ATP9B: variants seen among roughly 807,000 people sequenced by gnomAD.
The protein encoded by ATP9B is ATPase phospholipid transporting 9B, also known as probable phospholipid-transporting ATPase IIB.
ATP9B carries 110 observed loss-of-function variants against 146.1 expected under a neutral mutation model. That is an observed-to-expected ratio of 0.75 (90% CI 0.65 to 0.88). The LOEUF (loss-of-function observed/expected upper bound fraction) is 0.88. ATP9B is among the 40% of genes least tolerant of loss of function. The pLI, the probability that ATP9B is intolerant of heterozygous loss-of-function variation, is 0.00. For missense variants in ATP9B, 1,499 were observed against 1,496.4 expected, an observed-to-expected ratio of 1.00 and a Z score of -0.03; for synonymous variants, 604 against 569.7, an observed-to-expected ratio of 1.06 and a Z score of -0.86.
chr18:79,248,796 A>C (rs1472846306), intron 11 of ATP9B, among the ~76,000 whole-genome samples: 1 of 152,200 alleles, frequency 6.6e-6, no homozygotes, highest in Non-Finnish European at 1.5e-5. Context: ...CTTCTTTGTA[A>C]GGGGTAAGTA....
intron 16 of ATP9B, among the ~76,000 whole-genome samples, 146 bp from the exon 17 acceptor site, chr18:79,329,847 AGAGTGGGCCTAGCCCTCCG>A (rs2096780607): frequency 6.6e-6 from 1 of 152,234 alleles, no homozygotes; most frequent in African/African-American, 2.4e-5. Flanking sequence ...CTATTGCTGA[AGAGTGGGCCTAGCCCTCCG>A]CGTAGAAACA....
chr18:79,229,692 A>T (rs2095771405), intron 11 of ATP9B, among the ~76,000 whole-genome samples: 2 of 152,220 alleles, frequency 1.3e-5, no homozygotes, highest in South Asian at 4.1e-4. Flanking sequence ...AGAAAACCAG[A>T]TTGCCAAGTT....
chr18:79,369,385 T>C (rs527299731), intron 26 of ATP9B, among the ~76,000 whole-genome samples: 1 of 151,804 alleles, frequency 6.6e-6, no homozygotes, highest in African/African-American at 2.4e-5. Flanking sequence ...ACAAAAAAAT[T>C]AGCTGGGTGT....
At chr18:79,286,625 A>G (rs373396963) in intron 13 of ATP9B, among the ~76,000 whole-genome samples, 6 of 151,796 alleles carry the variant, frequency 4.0e-5, no homozygotes, top group Non-Finnish European at 8.8e-5. Context: ...TCTCCTGCCT[A>G]ATTGCCCTGG....
chr18:79,340,002 T>C (rs1271176130), intron 19 of ATP9B, among the ~76,000 whole-genome samples: 1 of 152,162 alleles, frequency 6.6e-6, no homozygotes, highest in Non-Finnish European at 1.5e-5. Context: ...CTGGGTGTGG[T>C]GCTTTGTGCC....
chr18:79,331,222 G>A (rs538424633), intron 17 of ATP9B, among the ~76,000 whole-genome samples: 42 of 152,270 alleles, frequency 2.8e-4, no homozygotes, highest in African/African-American at 8.7e-4. Flanking sequence ...TGGTCTGTCC[G>A]TGCAGCCTCC....
Position 79,296,008 on chromosome 18 carries a change from T to C in ATP9B, c.1412-7596T>C, listed in dbSNP as rs146279891. Among the ~76,000 whole-genome samples, 3 of 152,188 alleles carry C rather than the reference T, an allele frequency of 2.0e-5. No homozygotes were observed. The East Asian group carries it at 5.8e-4, about 29-fold the overall frequency. On this transcript the variant is annotated intron_variant, in intron 13 of 29. Coordinates refer to ENST00000426216, the MANE Select transcript of ATP9B (RefSeq NM_198531.5). ...TTAATTTTTATTTTTTGAGACAGGG[T>C]CTTGCTCTGTCACCTGGGCTGGTTT...
chr18:79,069,697 C>T (rs540315057), intron 1 of ATP9B, among the ~76,000 whole-genome samples, 168 bp downstream of exon 1: 1 of 152,218 alleles, frequency 6.6e-6, no homozygotes, highest in African/African-American at 2.4e-5. Context: ...CTGTGGCGTC[C>T]GCCGGTGGTG....
intron 21 of ATP9B, among the ~76,000 whole-genome samples, chr18:79,345,042 A>T (rs1265735871): frequency 6.6e-6 from 1 of 152,134 alleles, no homozygotes; most frequent in African/African-American, 2.4e-5. Context: ...CACTCCAAGA[A>T]ATCTGGCAGA....
At chr18:79,142,543 T>G (rs2094526658) in intron 5 of ATP9B, among the ~76,000 whole-genome samples, 1 of 152,188 alleles carries the variant, frequency 6.6e-6, no homozygotes, top group Non-Finnish European at 1.5e-5. Flanking sequence ...TGCCGGATGC[T>G]TTGCTGTGAA....
chr18:79,180,798 CATT>C (rs1181557610), intron 8 of ATP9B, among the ~76,000 whole-genome samples: 1 of 99,304 alleles, frequency 1.0e-5, no homozygotes, highest in Non-Finnish European at 1.9e-5. Flanking sequence ...TTTCTTTTCT[CATT>C]TTTTTTTTTG....
chr18:79,252,716 G>A (rs754705620), intron 11 of ATP9B, among the ~76,000 whole-genome samples: 1 of 151,942 alleles, frequency 6.6e-6, no homozygotes, highest in Non-Finnish European at 1.5e-5. Context: ...GGACTTGCAT[G>A]TAGCGTGCCT....
At chr18:79,082,927 A>G (rs893794753) in intron 1 of ATP9B, among the ~76,000 whole-genome samples, 2 of 152,218 alleles carry the variant, frequency 1.3e-5, no homozygotes, top group African/African-American at 2.4e-5. Flanking sequence ...GCAGAGCTCA[A>G]GCGCTGTGCT....
intron 15 of ATP9B, among the ~76,000 whole-genome samples, chr18:79,316,865 G>A (rs1163224533): frequency 2.6e-5 from 4 of 152,180 alleles, no homozygotes; most frequent in Admixed American, 2.0e-4. Context: ...GAAATCGGAA[G>A]ATTATTGGCA....
At chr18:79,341,223 A>C (rs1462350839) in intron 19 of ATP9B, among the ~76,000 whole-genome samples, 1 of 117,980 alleles carries the variant, frequency 8.5e-6, no homozygotes, top group Non-Finnish European at 1.8e-5. Context: ...CGAAGTCTGC[A>C]TTGCCGACAC....
intron 11 of ATP9B, among the ~76,000 whole-genome samples, chr18:79,234,183 A>G (rs1263702533): frequency 2.0e-5 from 3 of 152,204 alleles, no homozygotes; most frequent in Non-Finnish European, 2.9e-5. Flanking sequence ...CTGGGGGAAT[A>G]TAGAGGGCAG....
intron 8 of ATP9B, among the ~76,000 whole-genome samples, chr18:79,182,196 C>T (rs1007522027): frequency 1.3e-5 from 2 of 152,110 alleles, no homozygotes; most frequent in African/African-American, 4.8e-5. Context: ...TACTGAAATC[C>T]TTGCTGGTTC....
chr18:79,349,386 G>A (rs2096909736), intron 25 of ATP9B, among the ~76,000 whole-genome samples: 1 of 152,206 alleles, frequency 6.6e-6, no homozygotes, highest in Non-Finnish European at 1.5e-5. Context: ...TGAGAAAAGT[G>A]AGAGACCCAG....
rs147018328 is a variant in ATP9B at position 79,138,564 on chromosome 18, C to A, written c.668-5238C>A. ...TTGGCAATGAGTCTACCTGCTTTTG[C>A]AGTTGAAGATCTTAGAGATCTAAGT... is the stretch of plus-strand genomic sequence containing the variant. On this transcript the variant is annotated intron_variant, in intron 5 of 29. Transcript: ENST00000426216. Among the ~76,000 whole-genome samples the A allele has an allele frequency of 6.5e-3, 996 of 152,264 alleles. 14 individuals are homozygous for A. Among genetic ancestry groups the A allele is most frequent in the African/African-American group, 0.023 (955 of 41,552 alleles).
Sources: gnomAD v4.1 joint callset for allele counts (sites outside exome capture counted in the v4.1 genomes callset) on GRCh38, gnomAD v4.1.1 for gene constraint, MANE v1.5 for transcripts, NCBI Gene and HGNC (gene_info 2026-07-23, HGNC 2026-07-21) for gene names.